The following RFX2 variants were observed in gnomAD, a reference collection of about 807,000 sequenced individuals.
The protein encoded by RFX2 is DNA-binding protein RFX2.
A neutral mutation model predicts 87.8 loss-of-function variants in RFX2; 20 were observed. The ratio of observed to expected loss-of-function variants is 0.23; its 90% CI spans 0.16 to 0.33. The LOEUF (loss-of-function observed/expected upper bound fraction) is 0.33. Among genes scored for constraint, RFX2 ranks in the 10% least tolerant of loss-of-function variants. The pLI, the probability that RFX2 is intolerant of heterozygous loss-of-function variation, is 1.00. For missense variants in RFX2, 767 were observed against 1,012.3 expected (o/e 0.76, Z 3.29); for synonymous variants, 397 against 431.3 (o/e 0.92, Z 0.98).
chr19:6,106,281 C>A (rs1405887299), intron 1 of RFX2, among the ~76,000 whole-genome samples: 2 of 150,874 alleles, frequency 1.3e-5, no homozygotes, highest in Non-Finnish European at 3.0e-5. Flanking sequence ...CAAAATAAGA[C>A]CTTTCACTAC....
rs539275736 is a variant in RFX2, at chr19:6,101,612, A to G, written c.-9+8781T>C. Among the ~76,000 whole-genome samples, 75 of 152,362 alleles carry G rather than the reference A, an allele frequency of 4.9e-4. No homozygotes were observed. Among genetic ancestry groups the G allele is most frequent in the Admixed American group, 1.6e-3 (24 of 15,304 alleles). On this transcript the variant is annotated intron_variant, in intron 1 of 17. Coordinates refer to ENST00000303657, the MANE Select transcript of RFX2 (RefSeq NM_000635.4). This position sits in a 1 kb window ranked among gnomAD's most constrained non-coding sequence, Gnocchi z 4.9. The stretch of plus-strand genomic sequence containing the variant: ...TGCAGCTTTAGGAATGGACTTCTAT[A>G]TCATTGGTATAATTTCAACAGTTTT...
intron 1 of RFX2, among the ~76,000 whole-genome samples, chr19:6,090,255 A>C (rs995790831): frequency 2.6e-5 from 4 of 151,816 alleles, no homozygotes; most frequent in Non-Finnish European, 4.4e-5. Context: ...AGCATGAGCC[A>C]CCATGCCAGC....
In RFX2 at chr19:6,056,600, A is replaced by G. The variant is rs2087346690; in HGVS notation, c.-8-9096T>C. On this transcript the variant is annotated intron_variant, in intron 1 of 17. Transcript: ENST00000303657. This position sits in a 1 kb window ranked among gnomAD's most constrained non-coding sequence, Gnocchi z 4.6. ...CAGGGCACAGGGACGCACACTGTGG[A>G]GCACCTTTGCAGCACCCAGTTTGGG... Among the ~76,000 whole-genome samples the G allele has an allele frequency of 6.6e-6, 1 of 152,174 alleles. No individual in the cohort carries two copies. Among genetic ancestry groups the G allele is most frequent in the African/African-American group, 2.4e-5 (1 of 41,430 alleles).
rs957202367 is a variant in RFX2, at chr19:6,012,106, C to G, written c.899+880G>C. On this transcript the variant is annotated intron_variant, in intron 8 of 17. Transcript: ENST00000303657. This position sits in a 1 kb window ranked among gnomAD's most constrained non-coding sequence, Gnocchi z 4.6. ...CCTGCAAGGCTAAGATATTTGCTCTCTGGCTCTTTACAGGAAAGGTTTGCT... is the reference window on the plus strand; with the variant it reads ...CCTGCAAGGCTAAGATATTTGCTCTGTGGCTCTTTACAGGAAAGGTTTGCT... The G allele has an allele frequency of 6.6e-6, 1 of 152,284 alleles. No individual in the cohort carries two copies. The highest frequency in any genetic ancestry group is 1.5e-5 in the Non-Finnish European group (1 of 68,052). 9.4% of individuals were successfully genotyped at this position (152,284 alleles called of 1,614,324 possible). A position where few individuals can be genotyped will look rare whatever the true frequency, so the allele number is the denominator to read the frequency against.
chr19:6,069,887 C>A (rs938107185), intron 1 of RFX2, among the ~76,000 whole-genome samples: 1 of 151,972 alleles, frequency 6.6e-6, no homozygotes, highest in African/African-American at 2.4e-5. Flanking sequence ...AAACTGAGAG[C>A]GGGTTTCTGA....
chr19:6,079,198 G>T (rs1214464548), intron 1 of RFX2, among the ~76,000 whole-genome samples: 1 of 152,228 alleles, frequency 6.6e-6, no homozygotes, highest in Non-Finnish European at 1.5e-5. Flanking sequence ...TTTGTGCAGG[G>T]AGTATCACTG....
chr19:6,041,422 T>G (rs1347973885), intron 4 of RFX2, among the ~76,000 whole-genome samples: 1 of 152,126 alleles, frequency 6.6e-6, no homozygotes, highest in Non-Finnish European at 1.5e-5. Context: ...ATGCATACTT[T>G]CCTACCCCAA....
chr19:6,097,177 G>A (rs1373278845), intron 1 of RFX2, among the ~76,000 whole-genome samples: 1 of 152,236 alleles, frequency 6.6e-6, no homozygotes, highest in Non-Finnish European at 1.5e-5. Context: ...CTGGGCAACA[G>A]AGGAGACAGC....
At chr19:6,080,350 A>G (rs1205793202) in intron 1 of RFX2, among the ~76,000 whole-genome samples, 5 of 152,120 alleles carry the variant, frequency 3.3e-5, no homozygotes, top group African/African-American at 1.2e-4. Flanking sequence ...TGGCCTCCCA[A>G]AATGCTGGGA....
chr19:6,004,121 A>T lies in RFX2; in HGVS notation c.1500+80T>A. 9.3e-7 allele frequency: 1 copy of T among 1,075,984 alleles called. No homozygotes were observed. The highest frequency in any genetic ancestry group is 1.4e-6 in the Non-Finnish European group (1 of 691,422). The allele number at this position is 1,075,984 out of a possible 1,614,324, so 66.7% of individuals were successfully genotyped here. ...AGGGAAGAAGCCAGCGCTCTCTGGG[A>T]CACAGTGGTCCTCATGCTGTCCTGG... On this transcript the variant is annotated intron_variant, in intron 13 of 17. Transcript: ENST00000303657. This position sits in a 1 kb window ranked among gnomAD's most constrained non-coding sequence, Gnocchi z 4.8.
At chr19:6,086,041 A>G (rs2087851304) in intron 1 of RFX2, among the ~76,000 whole-genome samples, 1 of 143,786 alleles carries the variant, frequency 7.0e-6, no homozygotes, top group African/African-American at 2.6e-5. Context: ...GCAGTGAGCC[A>G]TGATTGTACC....
rs1394846842 is a variant in RFX2, at chr19:6,026,668, C to T, written c.523-431G>A. 1.5e-5 allele frequency: 3 copies of T among 193,634 alleles called. No individual in the cohort carries two copies. The highest frequency in any genetic ancestry group is 1.5e-4 in the South Asian group (2 of 12,998). The allele number at this position is 193,634 out of a possible 1,614,324, so 12.0% of individuals were successfully genotyped here. On this transcript the variant is annotated intron_variant, in intron 5 of 17. Coordinates refer to ENST00000303657, the MANE Select transcript of RFX2 (RefSeq NM_000635.4). The surrounding 1 kb of genome is among the most constrained non-coding windows in gnomAD (Gnocchi z 4.5). ...AATGAAAGCAAGGAGAGATGGCAGC[C>T]TTGACTCCCCAGCCAGGCTGTCCTG...
At position 6,067,445 on chromosome 19, in the gene RFX2, G is replaced by A. The variant is rs1044440919; in HGVS notation, c.-8-19941C>T. Reference sequence around the variant, plus strand: ...GCTCTTCCCTCCCTACCCGGAGAGAGGAAGACTTTTCTAAGAGGAAGCCAG... The same window carrying A: ...GCTCTTCCCTCCCTACCCGGAGAGAAGAAGACTTTTCTAAGAGGAAGCCAG... On this transcript the variant is annotated intron_variant, in intron 1 of 17. Transcript: ENST00000303657. Among the ~76,000 whole-genome samples the A allele has an allele frequency of 3.9e-5, 6 of 152,168 alleles. No homozygotes were observed. In the South Asian group the frequency reaches 8.3e-4, roughly 21 times the overall value.
rs185752477 is a variant in RFX2 at position 6,062,215 on chromosome 19, C to T, written c.-8-14711G>A. 3.6e-3 allele frequency among the ~76,000 whole-genome samples: 544 copies of T among 152,274 alleles called. 1 individual carries two copies. The highest frequency in any genetic ancestry group is 5.6e-3 in the Non-Finnish European group (381 of 68,010). On this transcript the variant is annotated intron_variant, in intron 1 of 17. Transcript: ENST00000303657. ...AATGAAAAACAACCAAAAAACCAAA[C>T]TAGCCGAAAGAAAGAGGGACACAAC...
In RFX2 at chr19:6,083,849, A is replaced by G. The variant is rs1261131836; in HGVS notation, c.-9+26544T>C. The stretch of plus-strand genomic sequence containing the variant: ...TTACTCATAATTATAGGCAGCGGAA[A>G]ATGCCTGCTAGCGAGTAGGCACTCA... On this transcript the variant is annotated intron_variant, in intron 1 of 17. Transcript: ENST00000303657. The surrounding 1 kb of genome is among the most constrained non-coding windows in gnomAD (Gnocchi z 4.6). Among the ~76,000 whole-genome samples, 1 of 152,142 alleles carries G rather than the reference A, an allele frequency of 6.6e-6. No individual in the cohort carries two copies. The highest frequency in any genetic ancestry group is 2.4e-5 in the African/African-American group (1 of 41,420).
intron 5 of RFX2, among the ~76,000 whole-genome samples, chr19:6,038,694 C>T (rs138046088): frequency 1.3e-5 from 2 of 152,242 alleles, no homozygotes; most frequent in East Asian, 1.9e-4. Context: ...TGACACCTGA[C>T]CAGAGCATCT....
At position 6,101,843 on chromosome 19, in the gene RFX2, C is replaced by G. The variant is rs2088132323; in HGVS notation, c.-9+8550G>C. On this transcript the variant is annotated intron_variant, in intron 1 of 17. Transcript: ENST00000303657. The surrounding 1 kb of genome is among the most constrained non-coding windows in gnomAD (Gnocchi z 4.9). ...CTACCTAAGAGTCCCTTTGAGATCT[C>G]TGCTTAGCATGGTTCACAATAGCTG... Among the ~76,000 whole-genome samples, 1 of 152,168 alleles carries G rather than the reference C, an allele frequency of 6.6e-6. No individual in the cohort carries two copies. Among genetic ancestry groups the G allele is most frequent in the Admixed American group, 6.5e-5 (1 of 15,274 alleles).
chr19:6,102,455 G>A (rs866993549), intron 1 of RFX2, among the ~76,000 whole-genome samples: 2 of 152,246 alleles, frequency 1.3e-5, no homozygotes. Flanking sequence ...AGGTCTTCCG[G>A]TAAATGACTG....
intron 1 of RFX2, chr19:6,072,861 C>T (rs569049413): frequency 6.7e-5 from 88 of 1,313,576 alleles, no homozygotes; most frequent in Non-Finnish European, 8.6e-5. Context: ...CCAAGATCGT[C>T]AAAAAGAGAA....
Sources: allele counts gnomAD v4.1 joint callset (sites outside exome capture counted in the v4.1 genomes callset), GRCh38; gene constraint gnomAD v4.1.1; non-coding constraint Gnocchi (gnomAD v3.1); transcripts MANE v1.5; gene names NCBI Gene and HGNC (gene_info 2026-07-23, HGNC 2026-07-21).